FARSB: variants seen among roughly 807,000 people sequenced by gnomAD.
FARSB encodes the protein phenylalanine--tRNA ligase beta subunit.
Under a neutral mutation model 69.6 loss-of-function variants are expected in FARSB, and 40 were observed. The observed-to-expected ratio is 0.57, with a 90% CI of 0.45 to 0.75. FARSB has a LOEUF of 0.75. Ranked by LOEUF, FARSB falls within the 30% of genes least tolerant of loss-of-function variation. FARSB has a pLI of 0.00. For synonymous variants in FARSB, 235 were observed against 247.2 expected, an observed-to-expected ratio of 0.95 and a Z score of 0.46; for missense variants, 632 against 722.9, an observed-to-expected ratio of 0.87 and a Z score of 1.44.
Position 222,639,671 on chromosome 2 carries a change from C to T in FARSB, c.364G>A (p.Val122Ile), listed in dbSNP as rs764388538. 1.3e-6 allele frequency: 2 copies of T among 1,575,066 alleles called. No homozygotes were observed. The highest frequency in any genetic ancestry group is 1.7e-5 in the Admixed American group (1 of 57,466). ...TTTATATTACGGAGAACTGCTGCTA[C>T]CGCAAAAGGACGTATCTTAGCTGTC... ...EETAKIRPFA[V>I]AAVLRNIKFT... Residue 122 changes from valine to isoleucine, a missense_variant, in exon 5 of 17, where the codon GTA (valine) becomes ATA (isoleucine). Transcript: ENST00000281828.
Position 222,623,724 on chromosome 2 carries a change from G to T in FARSB, c.1177C>A (p.Leu393Ile). 6.3e-7 allele frequency: 1 copy of T among 1,598,708 alleles called. No individual in the cohort carries two copies. The highest frequency in any genetic ancestry group is 8.5e-7 in the Non-Finnish European group (1 of 1,169,704). ...CGGAGAAGTTCAGTGAGCTTATTAA[G>T]AGGAAACTGAAAAAAAAAGCATCCA... ...KTYTIANQFP[L>I]NKLTELLRHD... Residue 393 changes from leucine (L) to isoleucine (I), a missense_variant, in exon 13 of 17, where the codon CTT becomes ATT. Leu to Ile is a conservative substitution (Grantham distance 5). Transcript: ENST00000281828.
At chr2:222,639,250 AAAC>A (rs1179387178) in intron 5 of FARSB, among the ~76,000 whole-genome samples, 2 of 152,210 alleles carry the variant, frequency 1.3e-5, no homozygotes, top group Admixed American at 6.5e-5. Context: ...ATCTGAACCA[AAAC>A]AACAACAACA....
At chr2:222,579,853 T>C (rs1022259720) in intron 16 of FARSB, among the ~76,000 whole-genome samples, 5 of 152,176 alleles carry the variant, frequency 3.3e-5, no homozygotes, top group Non-Finnish European at 7.3e-5. Flanking sequence ...CTGAGGAGAT[T>C]TACACATTCC....
At chr2:222,646,188 T>C (rs1055818865) in intron 2 of FARSB, among the ~76,000 whole-genome samples, 1 of 152,196 alleles carries the variant, frequency 6.6e-6, no homozygotes, top group Non-Finnish European at 1.5e-5. Flanking sequence ...TGTACTAAAA[T>C]TGGTTGACTC....
intron 16 of FARSB, among the ~76,000 whole-genome samples, chr2:222,572,284 G>A (rs1187244973): frequency 6.6e-6 from 1 of 152,132 alleles, no homozygotes; most frequent in Non-Finnish European, 1.5e-5. Flanking sequence ...CAGGAAGGAT[G>A]AAATCATGGA....
intron 10 of FARSB, among the ~76,000 whole-genome samples, chr2:222,627,201 C>T (rs1032182283): frequency 2.6e-5 from 4 of 152,176 alleles, no homozygotes; most frequent in African/African-American, 9.7e-5. Context: ...TGTGACACTG[C>T]CAATCTTCCA....
At chr2:222,619,468 T>A (rs541645624) in intron 14 of FARSB, among the ~76,000 whole-genome samples, 177 bp downstream of exon 14, 2 of 152,066 alleles carry the variant, frequency 1.3e-5, no homozygotes, top group Non-Finnish European at 2.9e-5. Context: ...TTTTTAAAAG[T>A]GTAAAGAATT....
In FARSB at chr2:222,631,670, A is replaced by C. The variant is rs527784208; in HGVS notation, c.720T>G (p.Asp240Glu). ...VLSMPPIING[D>E]HSRITVNTRN... ...TAGTATTTACTGTTATTCTGGAATG[A>C]TCCCCTGCAATGAACACAAAACAAT... Residue 240 changes from aspartate to glutamate, a missense_variant, in exon 8 of 17, where the codon GAT becomes GAG. By Grantham distance (45) the Asp-to-Glu change is conservative. Transcript: ENST00000281828. The C allele has an allele frequency of 5.2e-6, 8 of 1,533,778 alleles. No homozygotes were observed. In the South Asian group the frequency reaches 5.6e-5, roughly 11 times the overall value.
chr2:222,579,613 CCTT>C (rs1689920018), intron 16 of FARSB, among the ~76,000 whole-genome samples: 1 of 152,162 alleles, frequency 6.6e-6, no homozygotes, highest in African/African-American at 2.4e-5. Context: ...GGCAGAAACT[CCTT>C]CTGAATTTAA....
At chr2:222,586,254 C>T (rs560103283) in intron 16 of FARSB, among the ~76,000 whole-genome samples, 32 of 152,260 alleles carry the variant, frequency 2.1e-4, no homozygotes, top group African/African-American at 6.3e-4. Flanking sequence ...CATATCCAGC[C>T]AAACTAAGCT....
Position 222,612,259 on chromosome 2 carries a change from T to C in FARSB, c.1462+1552A>G, listed in dbSNP as rs141675727. ...CTAAAGAAAATTCTACATAGTGATATTAAACACGAACTTTCATTCTCTAAG... is the reference window on the plus strand; with the variant it reads ...CTAAAGAAAATTCTACATAGTGATACTAAACACGAACTTTCATTCTCTAAG... On this transcript the variant is annotated intron_variant, in intron 15 of 16. Coordinates refer to ENST00000281828, the MANE Select transcript of FARSB (RefSeq NM_005687.5). Among the ~76,000 whole-genome samples, 1,206 of 152,348 alleles carry C rather than the reference T, an allele frequency of 7.9e-3. 14 individuals are homozygous for C. Among genetic ancestry groups the C allele is most frequent in the African/African-American group, 0.028 (1,160 of 41,566 alleles).
intron 16 of FARSB, among the ~76,000 whole-genome samples, chr2:222,586,869 G>A (rs1157180736): frequency 6.6e-6 from 1 of 152,132 alleles, no homozygotes; most frequent in African/African-American, 2.4e-5. Context: ...AGTCCTTAGA[G>A]ACCTACAAAG....
intron 8 of FARSB, among the ~76,000 whole-genome samples, chr2:222,630,624 T>TA (rs1295935116): frequency 1.3e-5 from 2 of 152,274 alleles, no homozygotes; most frequent in East Asian, 3.9e-4. Context: ...AAAGATTAAA[T>TA]AATTGGCATG....
chr2:222,611,942 C>G (rs972605403), intron 15 of FARSB, among the ~76,000 whole-genome samples: 1 of 152,130 alleles, frequency 6.6e-6, no homozygotes, highest in African/African-American at 2.4e-5. Flanking sequence ...ACTGCTGAAA[C>G]AGTATTACAA....
intron 15 of FARSB, among the ~76,000 whole-genome samples, chr2:222,602,670 C>T (rs940161433): frequency 4.5e-4 from 68 of 150,870 alleles, no homozygotes; most frequent in Admixed American, 1.7e-3. Flanking sequence ...ATGTGCACAA[C>T]GTGCAGGTTT....
In FARSB at chr2:222,642,831, T is replaced by C. The variant is rs1426192909; in HGVS notation, c.269+20A>G. 2 of 1,573,124 alleles carry C rather than the reference T, an allele frequency of 1.3e-6. No homozygotes were observed. Among genetic ancestry groups the C allele is most frequent in the Non-Finnish European group, 8.6e-7 (1 of 1,158,956 alleles). On this transcript the variant is annotated intron_variant, in intron 3 of 16. Coordinates refer to ENST00000281828, the MANE Select transcript of FARSB (RefSeq NM_005687.5). ...AGAAAACCCAACTTAGCAAAGTCTT[T>C]AAGGAACATATTTCCTTACCTTTCT...
intron 4 of FARSB, among the ~76,000 whole-genome samples, chr2:222,640,468 C>CA (rs1316286663): frequency 4.0e-5 from 6 of 150,642 alleles, no homozygotes; most frequent in Admixed American, 1.3e-4. Flanking sequence ...CTAAAAAATA[C>CA]AAAAAATTAG....
At chr2:222,639,536 AG>A (rs759979598) in intron 5 of FARSB, 43 bp downstream of exon 5, 5 of 884,722 alleles carry the variant, frequency 5.7e-6, no homozygotes, top group African/African-American at 1.7e-5. Context: ...AGGGAGACAA[AG>A]GGAAAGGGGA....
intron 15 of FARSB, among the ~76,000 whole-genome samples, chr2:222,602,002 A>AACACTG (rs1690572176): frequency 6.6e-6 from 1 of 152,172 alleles, no homozygotes; most frequent in African/African-American, 2.4e-5. Flanking sequence ...AGTCCAAATG[A>AACACTG]ACACTGATAA....
Sources: allele counts gnomAD v4.1 joint callset (sites outside exome capture counted in the v4.1 genomes callset), GRCh38; gene constraint gnomAD v4.1.1; transcripts MANE v1.5; gene names NCBI Gene and HGNC (gene_info 2026-07-23, HGNC 2026-07-21).